The following UXS1 variants were observed in gnomAD, a reference collection of about 807,000 sequenced individuals.
The protein encoded by UXS1 is UDP-glucuronate decarboxylase 1.
In UXS1, 33 loss-of-function variants were observed where a neutral mutation model predicts 62.6. That is an observed-to-expected ratio of 0.53 (90% CI 0.40 to 0.70). The LOEUF is 0.70. Among genes scored for constraint, UXS1 ranks in the 30% least tolerant of loss-of-function variants. The pLI, the probability that UXS1 is intolerant of heterozygous loss-of-function variation, is 0.00. For synonymous variants in UXS1, 213 were observed against 206.8 expected, an observed-to-expected ratio of 1.03 and a Z score of -0.26; for missense variants, 434 against 556.3, an observed-to-expected ratio of 0.78 and a Z score of 2.21.
intron 4 of UXS1, 120 bp from the exon 5 acceptor site, chr2:106,158,238 C>T: frequency 2.4e-6 from 2 of 831,828 alleles, no homozygotes; most frequent in Admixed American, 2.4e-5. Context: ...CTTCTCTCCA[C>T]TCTTGAATGA....
intron 1 of UXS1, among the ~76,000 whole-genome samples, chr2:106,190,372 A>G (rs897407799): frequency 1.3e-5 from 2 of 152,194 alleles, no homozygotes; most frequent in East Asian, 1.9e-4. Flanking sequence ...TCACTAGGTA[A>G]TATCTACAAC....
At chr2:106,183,202 G>A (rs1684350493) in intron 1 of UXS1, among the ~76,000 whole-genome samples, 1 of 139,644 alleles carries the variant, frequency 7.2e-6, no homozygotes, top group Non-Finnish European at 1.5e-5. Flanking sequence ...CCAATGTTCT[G>A]TTGCTGATAA....
intron 11 of UXS1, among the ~76,000 whole-genome samples, 185 bp downstream of exon 11, chr2:106,104,609 A>C (rs1391610275): frequency 6.6e-6 from 1 of 152,244 alleles, no homozygotes; most frequent in Non-Finnish European, 1.5e-5. Flanking sequence ...AGATGAATGC[A>C]AATTTTAACT....
chr2:106,180,917 T>C (rs1232727747), intron 1 of UXS1, among the ~76,000 whole-genome samples: 1 of 152,214 alleles, frequency 6.6e-6, no homozygotes, highest in African/African-American at 2.4e-5. Context: ...CTTTTGCCTT[T>C]TTCTACTTAA....
intron 1 of UXS1, among the ~76,000 whole-genome samples, chr2:106,192,984 C>G (rs1274917120): frequency 6.6e-6 from 1 of 152,172 alleles, no homozygotes; most frequent in African/African-American, 2.4e-5. Context: ...TGACCACACA[C>G]ACACTTTAGA....
intron 10 of UXS1, among the ~76,000 whole-genome samples, chr2:106,110,926 T>C (rs1417955934): frequency 1.3e-5 from 2 of 152,028 alleles, no homozygotes; most frequent in Non-Finnish European, 1.5e-5. Context: ...AAGGAGAGGA[T>C]GAATGAACAA....
chr2:106,152,536 AAG>A lies in UXS1; in HGVS notation c.291+5520_291+5521del, dbSNP rs575538483. ...GAGGGAGGGAAAAGAAAAGAAAGAA[AAG>A]AGAGAGAGAAAGGGAGAAAGAAAGG... On this transcript the variant is annotated intron_variant, in intron 5 of 14. Transcript: ENST00000283148. Among the ~76,000 whole-genome samples, 21 of 150,664 alleles carry A rather than the reference AAG, an allele frequency of 1.4e-4. 1 individual carries two copies. In the South Asian group the frequency reaches 3.8e-3, roughly 27 times the overall value.
At chr2:106,098,364 C>T (rs947806518) in intron 13 of UXS1, among the ~76,000 whole-genome samples, 1 of 152,212 alleles carries the variant, frequency 6.6e-6, no homozygotes, top group Non-Finnish European at 1.5e-5. Flanking sequence ...CTGGTGGTTG[C>T]TGTCTCTTGC....
chr2:106,124,625 G>A (rs574860263), intron 8 of UXS1, among the ~76,000 whole-genome samples: 2 of 152,178 alleles, frequency 1.3e-5, no homozygotes, highest in Non-Finnish European at 2.9e-5. Flanking sequence ...CAGACATGCA[G>A]ATAATAAATG....
chr2:106,154,238 C>T (rs1244000315), intron 5 of UXS1, among the ~76,000 whole-genome samples: 1 of 152,110 alleles, frequency 6.6e-6, no homozygotes, highest in African/African-American at 2.4e-5. Context: ...AGGATAAACA[C>T]AAACAAAAAT....
chr2:106,099,082 T>A (rs1216562124), intron 12 of UXS1, among the ~76,000 whole-genome samples: 1 of 152,216 alleles, frequency 6.6e-6, no homozygotes, highest in Non-Finnish European at 1.5e-5. Flanking sequence ...ATATCTAACA[T>A]AACTTCAATG....
intron 9 of UXS1, among the ~76,000 whole-genome samples, chr2:106,116,783 T>TG (rs1341668847): frequency 6.6e-6 from 1 of 152,198 alleles, no homozygotes; most frequent in Non-Finnish European, 1.5e-5. Flanking sequence ...AAGTTCCTTC[T>TG]GGGAAACTGC....
chr2:106,118,920 T>C (rs764906703), intron 9 of UXS1, among the ~76,000 whole-genome samples: 4 of 152,230 alleles, frequency 2.6e-5, no homozygotes, highest in African/African-American at 4.8e-5. Flanking sequence ...TTATTATGTA[T>C]AAGGAATTAA....
At chr2:106,140,663 A>T (rs536893449) in intron 6 of UXS1, among the ~76,000 whole-genome samples, 1 of 151,662 alleles carries the variant, frequency 6.6e-6, no homozygotes, top group East Asian at 2.0e-4. Flanking sequence ...TATAAAATGA[A>T]GAAAATAGCT....
At chr2:106,174,772 C>A (rs879678325) in intron 1 of UXS1, among the ~76,000 whole-genome samples, 1 of 152,024 alleles carries the variant, frequency 6.6e-6, no homozygotes, top group African/African-American at 2.4e-5. Flanking sequence ...CTAATCACAG[C>A]GTCATGGTAT....
At chr2:106,141,973 C>T (rs1042721398) in intron 6 of UXS1, among the ~76,000 whole-genome samples, 3 of 151,556 alleles carry the variant, frequency 2.0e-5, no homozygotes, top group Non-Finnish European at 4.4e-5. Context: ...TGGGTTCTAG[C>T]GATTCTCATG....
chr2:106,180,328 TA>T (rs1205751090), intron 1 of UXS1, among the ~76,000 whole-genome samples: 3 of 152,190 alleles, frequency 2.0e-5, no homozygotes, highest in African/African-American at 7.2e-5. Context: ...AATTATGAAT[TA>T]AAACTAAGCC....
chr2:106,190,608 T>C (rs1684860265), intron 1 of UXS1, among the ~76,000 whole-genome samples: 2 of 151,934 alleles, frequency 1.3e-5, no homozygotes, highest in Non-Finnish European at 2.9e-5. Flanking sequence ...CCGGGCGTGG[T>C]GGCGCATGCC....
At chr2:106,131,316 A>G (rs1483180282) in intron 6 of UXS1, among the ~76,000 whole-genome samples, 9 of 102,774 alleles carry the variant, frequency 8.8e-5, no homozygotes, top group East Asian at 7.3e-4. Context: ...CAAGGCGGCA[A>G]CGAGGCTGGG....
Sources: allele counts gnomAD v4.1 joint callset (sites outside exome capture counted in the v4.1 genomes callset), GRCh38; gene constraint gnomAD v4.1.1; transcripts MANE v1.5; gene names NCBI Gene and HGNC (gene_info 2026-07-23, HGNC 2026-07-21).